Variants in EVI5 observed in about 807,000 individuals in gnomAD.
EVI5 encodes ecotropic viral integration site 5.
EVI5 carries 73 observed loss-of-function variants against 112.0 expected under a neutral mutation model. The observed-to-expected ratio is 0.65, with a 90% CI of 0.54 to 0.79. The LOEUF is 0.79. EVI5 is among the 30% of genes least tolerant of loss of function. The pLI, the probability that EVI5 is intolerant of heterozygous loss-of-function variation, is 0.00. For missense variants in EVI5, 900 were observed against 968.8 expected, an observed-to-expected ratio of 0.93 and a Z score of 0.94; for synonymous variants, 305 against 319.9, an observed-to-expected ratio of 0.95 and a Z score of 0.50.
chr1:92,695,511 T>A (rs1338836193), intron 6 of EVI5, 58 bp from the exon 7 acceptor site: 7 of 1,151,884 alleles, frequency 6.1e-6, no homozygotes, highest in Non-Finnish European at 8.6e-6. Flanking sequence ...TTAAATTAGA[T>A]TATATTTATA....
chr1:92,697,907 T>C lies in EVI5; in HGVS notation c.718A>G (p.Met240Val), dbSNP rs568366871. The C allele has an allele frequency of 6.2e-7, 1 of 1,613,086 alleles. No homozygotes were observed. Among genetic ancestry groups the C allele is most frequent in the Non-Finnish European group, 8.5e-7 (1 of 1,179,204 alleles). ...YRLRELFKPSMAELGLCMYQF... is the reference protein window; with the variant it reads ...YRLRELFKPSVAELGLCMYQF... ...TACATACAAAGGCCCAATTCTGCCA[T>C]ACTTGGTTTAAAAAGTTCACGAAGT... The change falls in exon 6 of 20, where the codon ATG becomes GTG. Residue 240 changes from methionine to valine, a missense_variant. Physicochemically the swap from Met to Val is conservative, Grantham distance 21. Transcript: ENST00000684568.
chr1:92,660,578 T>G (rs1300546222), intron 13 of EVI5, among the ~76,000 whole-genome samples: 1 of 152,000 alleles, frequency 6.6e-6, no homozygotes, highest in Non-Finnish European at 1.5e-5. Context: ...GAGGGGATTT[T>G]GAATGTTCTC....
At chr1:92,581,591 G>T (rs1292430773) in intron 18 of EVI5, among the ~76,000 whole-genome samples, 1 of 151,994 alleles carries the variant, frequency 6.6e-6, no homozygotes, top group Non-Finnish European at 1.5e-5. Flanking sequence ...AGGCCTCTCT[G>T]CTCTACCACT....
chr1:92,566,068 T>C (rs10747444), intron 18 of EVI5, among the ~76,000 whole-genome samples: 129,286 of 151,776 alleles, frequency 0.85, 55,449 homozygotes, highest in East Asian at 0.97. Context: ...ACCCAAATTG[T>C]ATCTCTAACT....
intron 1 of EVI5, among the ~76,000 whole-genome samples, chr1:92,752,988 T>C (rs778022047): frequency 6.6e-6 from 1 of 152,114 alleles, no homozygotes; most frequent in Non-Finnish European, 1.5e-5. Flanking sequence ...AATAAATAAA[T>C]GCAGAGAAGG....
At chr1:92,683,981 C>T (rs759155686) in intron 9 of EVI5, among the ~76,000 whole-genome samples, 4 of 152,104 alleles carry the variant, frequency 2.6e-5, no homozygotes, top group Admixed American at 1.3e-4. Context: ...ACACTCTTCA[C>T]GATATTATCC....
chr1:92,728,950 G>A (rs1676041359), intron 2 of EVI5, among the ~76,000 whole-genome samples: 1 of 152,102 alleles, frequency 6.6e-6, no homozygotes, highest in African/African-American at 2.4e-5. Flanking sequence ...CACAGTGATT[G>A]CATTCAACCC....
At chr1:92,654,394 G>C (rs1015912722) in intron 13 of EVI5, among the ~76,000 whole-genome samples, 3 of 152,038 alleles carry the variant, frequency 2.0e-5, no homozygotes, top group African/African-American at 7.2e-5. Context: ...CACACAGCCA[G>C]TACACTACTA....
At chr1:92,686,583 T>C (rs1269114455) in intron 9 of EVI5, among the ~76,000 whole-genome samples, 1 of 152,106 alleles carries the variant, frequency 6.6e-6, no homozygotes, top group African/African-American at 2.4e-5. Flanking sequence ...GGTATTCAGT[T>C]AGGAAAAGAG....
intron 10 of EVI5, among the ~76,000 whole-genome samples, chr1:92,669,385 T>C (rs1437944292): frequency 6.6e-6 from 1 of 151,506 alleles, no homozygotes; most frequent in Non-Finnish European, 1.5e-5. Context: ...CCATCTCTAC[T>C]AAAAATACAA....
intron 13 of EVI5, among the ~76,000 whole-genome samples, chr1:92,649,978 A>G (rs1188356863): frequency 6.6e-6 from 1 of 152,206 alleles, no homozygotes; most frequent in Admixed American, 6.5e-5. Context: ...TCCTTGTGGA[A>G]AACCAACTGG....
intron 18 of EVI5, among the ~76,000 whole-genome samples, chr1:92,564,583 G>A (rs11588509): frequency 1.3e-5 from 2 of 152,032 alleles, no homozygotes; most frequent in Non-Finnish European, 2.9e-5. Flanking sequence ...TTTGTTTCAG[G>A]TGAGCACTGG....
chr1:92,680,882 A>C lies in EVI5; in HGVS notation c.1098-3664T>G, dbSNP rs146148858. ...AAATAATTGGCCTGTACACTCTTTA[A>C]ATATATCAGAAACACAAAGACTGAG... On this transcript the variant is annotated intron_variant, in intron 9 of 19. Transcript: ENST00000684568. Among the ~76,000 whole-genome samples the C allele has an allele frequency of 4.6e-3, 700 of 152,300 alleles. 15 individuals carry two copies. Among genetic ancestry groups the C allele is most frequent in the Admixed American group, 0.043 (651 of 15,288 alleles).
intron 2 of EVI5, chr1:92,732,376 A>G (rs976350866): frequency 6.4e-6 from 2 of 312,342 alleles, no homozygotes; most frequent in South Asian, 6.5e-5. Flanking sequence ...CAGGAGAGAC[A>G]GCAAGCAAAG....
intron 1 of EVI5, among the ~76,000 whole-genome samples, chr1:92,772,906 T>TAAAA (rs529315237): frequency 4.6e-5 from 5 of 109,730 alleles, no homozygotes; most frequent in Admixed American, 1.1e-4. Context: ...AACCCCATCT[T>TAAAA]AAAAAAAAAA....
At chr1:92,540,935 G>A (rs896068878) in intron 19 of EVI5, among the ~76,000 whole-genome samples, 4 of 152,230 alleles carry the variant, frequency 2.6e-5, no homozygotes, top group East Asian at 1.9e-4. Flanking sequence ...TTAGCCAGGC[G>A]TGGTGGCAGG....
chr1:92,734,362 T>C (rs1558168286), intron 2 of EVI5, among the ~76,000 whole-genome samples: 2 of 152,192 alleles, frequency 1.3e-5, no homozygotes, highest in Admixed American at 6.5e-5. Flanking sequence ...AGCAAAACAC[T>C]TGCCGAAAGT....
chr1:92,772,317 C>A (rs1683518366), intron 1 of EVI5, among the ~76,000 whole-genome samples: 1 of 151,938 alleles, frequency 6.6e-6, no homozygotes, highest in African/African-American at 2.4e-5. Context: ...AAGAAACTGG[C>A]CAGGCGAGGT....
chr1:92,639,645 C>A (rs1339280650), intron 13 of EVI5, among the ~76,000 whole-genome samples: 1 of 152,124 alleles, frequency 6.6e-6, no homozygotes, highest in Non-Finnish European at 1.5e-5. Flanking sequence ...GTTCTCATCT[C>A]TTTTGTAACA....
Sources: allele counts gnomAD v4.1 joint callset (sites outside exome capture counted in the v4.1 genomes callset), GRCh38; gene constraint gnomAD v4.1.1; transcripts MANE v1.5; gene names NCBI Gene and HGNC (gene_info 2026-07-23, HGNC 2026-07-21).